RBMS2: variants seen among roughly 807,000 people sequenced by gnomAD.
The protein encoded by RBMS2 is RNA binding motif single stranded interacting protein 2.
A neutral mutation model predicts 58.4 loss-of-function variants in RBMS2; 38 were observed. The ratio of observed to expected loss-of-function variants is 0.65; its 90% confidence interval spans 0.50 to 0.85. The LOEUF is 0.85. Among genes scored for constraint, RBMS2 ranks in the 40% least tolerant of loss-of-function variants. The probability of loss-of-function intolerance (pLI) is 0.00; values close to 1 mark genes in which losing one functional copy is unlikely to be tolerated. For missense variants in RBMS2, 367 were observed against 503.7 expected (o/e 0.73, Z 2.60); for synonymous variants, 151 against 180.7 (o/e 0.84, Z 1.32).
intron 11 of RBMS2, 78 bp from the exon 12 acceptor site, chr12:56,588,215 AT>A (rs560469502): frequency 2.7e-4 from 312 of 1,148,294 alleles, no homozygotes; most frequent in East Asian, 3.1e-4. Context: ...AGGTGTCAGT[AT>A]TTTTTTTAAA....
Position 56,588,254 on chromosome 12 carries a change from A to G in RBMS2, c.1063-40A>G, listed in dbSNP as rs74095009. ...CCCTCAGCTGCTTCAAATGTAGCCA[A>G]AAATCACTGCTGTAAGCCTGTTGAT... is the stretch of plus-strand genomic sequence containing the variant. On this transcript the variant is annotated intron_variant, in intron 11 of 13. Transcript: ENST00000262031. The G allele has an allele frequency of 2.1e-3, 3,342 of 1,557,984 alleles. 59 individuals carry two copies. In the African/African-American group the frequency reaches 0.035, roughly 16 times the overall value.
chr12:56,537,874 C>A (rs1297811198), intron 1 of RBMS2, among the ~76,000 whole-genome samples: 1 of 148,802 alleles, frequency 6.7e-6, no homozygotes, highest in Admixed American at 6.7e-5. Flanking sequence ...TTATAAGTAG[C>A]CATCCTGATG....
Position 56,569,910 on chromosome 12 carries a change from G to A in RBMS2, c.304G>A (p.Val102Ile), listed in dbSNP as rs1246341719. ...TTCCTCTGTTCCAGGCTATGGCTTT[G>A]TAGATTTTGACAGCCCTTCAGCAGC... is the stretch of plus-strand genomic sequence containing the variant. ...TTNKCKGYGF[V>I]DFDSPSAAQK... is the part of the protein sequence containing the mutation. The change falls in exon 4 of 14, where the codon GTA (valine) becomes ATA (isoleucine). Residue 102 changes from valine (V) to isoleucine (I), a missense_variant. Around this residue, in one of 3 missense-constraint regions of RBMS2, gnomAD observed 93 missense variants for 132.2 expected, o/e 0.70. Coordinates refer to ENST00000262031, the MANE Select transcript of RBMS2 (RefSeq NM_002898.4). 3.1e-6 allele frequency: 5 copies of A among 1,613,342 alleles called. No homozygotes were observed. Among genetic ancestry groups the A allele is most frequent in the Non-Finnish European group, 4.2e-6 (5 of 1,179,306 alleles).
At chr12:56,559,701 A>G (rs961189506) in intron 1 of RBMS2, among the ~76,000 whole-genome samples, 10 of 149,474 alleles carry the variant, frequency 6.7e-5, no homozygotes, top group African/African-American at 2.5e-4. Context: ...AATACAAAAA[A>G]TTAGCCAGGC....
At chr12:56,559,182 G>A (rs1434164491) in intron 1 of RBMS2, among the ~76,000 whole-genome samples, 2 of 147,920 alleles carry the variant, frequency 1.4e-5, no homozygotes, top group Non-Finnish European at 3.0e-5. Flanking sequence ...AGATAAAGAA[G>A]GACATTTTTT....
At chr12:56,577,083 T>A in intron 5 of RBMS2, among the ~76,000 whole-genome samples, 1 of 147,094 alleles carries the variant, frequency 6.8e-6, no homozygotes, top group Non-Finnish European at 1.5e-5. Flanking sequence ...GAGCTCACAA[T>A]TGCCCAGACA....
At chr12:56,572,769 A>T in intron 5 of RBMS2, 1 of 985,042 alleles carries the variant, frequency 1.0e-6, no homozygotes, top group Non-Finnish European at 1.2e-6. Context: ...ATGAGGTAGA[A>T]GTTTTGATCT....
intron 5 of RBMS2, chr12:56,573,065 T>TC: frequency 1.0e-6 from 1 of 969,790 alleles, no homozygotes; most frequent in East Asian, 1.1e-4. Context: ...ACTTTTTTTT[T>TC]TTTTTTTAGT....
chr12:56,586,832 G>A lies in RBMS2; in HGVS notation c.874-17G>A. ...TAGTTTCCAGGCAATTAACATTTTT[G>A]TTTTTGCTTGTTTTAGAGAGTGACT... is the stretch of plus-strand genomic sequence containing the variant. On this transcript the variant is annotated splice_polypyrimidine_tract_variant and intron_variant, in intron 9 of 13. Coordinates refer to ENST00000262031, the MANE Select transcript of RBMS2 (RefSeq NM_002898.4). 6.2e-7 allele frequency: 1 copy of A among 1,602,898 alleles called. No individual in the cohort carries two copies. The highest frequency in any genetic ancestry group is 8.5e-7 in the Non-Finnish European group (1 of 1,170,066).
intron 5 of RBMS2, chr12:56,572,969 G>T: frequency 1.0e-6 from 1 of 981,306 alleles, no homozygotes; most frequent in South Asian, 4.7e-5. Flanking sequence ...CCTCACTGTC[G>T]TAGGGTATCA....
chr12:56,544,345 T>A (rs1393100566), intron 1 of RBMS2, among the ~76,000 whole-genome samples: 1 of 152,162 alleles, frequency 6.6e-6, no homozygotes, highest in East Asian at 1.9e-4. Context: ...GTTTTAGAGA[T>A]GTCTTTCTTG....
At chr12:56,527,247 C>A (rs1872817710) in intron 1 of RBMS2, among the ~76,000 whole-genome samples, 1 of 152,188 alleles carries the variant, frequency 6.6e-6, no homozygotes, top group South Asian at 2.1e-4. Context: ...GAATTAAGAA[C>A]TTGTCGGTCT....
intron 1 of RBMS2, among the ~76,000 whole-genome samples, chr12:56,551,017 C>A (rs1878170899): frequency 1.3e-5 from 2 of 149,918 alleles, no homozygotes; most frequent in Admixed American, 6.8e-5. Context: ...ACTTGGGGGA[C>A]TGAAGCAGGA....
intron 1 of RBMS2, among the ~76,000 whole-genome samples, chr12:56,544,026 C>T (rs1876666093): frequency 1.3e-5 from 2 of 151,914 alleles, no homozygotes; most frequent in Admixed American, 1.3e-4. Flanking sequence ...GCCTCTAATC[C>T]CGGCAGTTTG....
At chr12:56,528,912 C>A (rs1433506042) in intron 1 of RBMS2, among the ~76,000 whole-genome samples, 1 of 151,654 alleles carries the variant, frequency 6.6e-6, no homozygotes, top group African/African-American at 2.4e-5. Context: ...GGTGACAGAG[C>A]AAGACTCTGT....
At chr12:56,524,805 C>T (rs905306695) in intron 1 of RBMS2, among the ~76,000 whole-genome samples, 6 of 151,956 alleles carry the variant, frequency 3.9e-5, no homozygotes, top group South Asian at 2.1e-4. Context: ...CTGCAACCTC[C>T]GCCTCCTGGG....
intron 1 of RBMS2, among the ~76,000 whole-genome samples, chr12:56,546,317 TA>T (rs889314967): frequency 7.4e-5 from 11 of 147,748 alleles, no homozygotes; most frequent in South Asian, 2.1e-4. Flanking sequence ...TAATACATTA[TA>T]AAAAATAATA....
intron 1 of RBMS2, among the ~76,000 whole-genome samples, chr12:56,524,789 G>A (rs778278583): frequency 1.2e-4 from 18 of 151,190 alleles, no homozygotes; most frequent in African/African-American, 3.2e-4. Flanking sequence ...GCGTGATTTC[G>A]GCTCACTGCA....
intron 1 of RBMS2, among the ~76,000 whole-genome samples, chr12:56,543,615 A>T: frequency 6.6e-6 from 1 of 151,320 alleles, no homozygotes; most frequent in Non-Finnish European, 1.5e-5. Context: ...GGCCTCCCAA[A>T]GTGCTGGGAT....
Sources: gnomAD v4.1 joint callset for allele counts (sites outside exome capture counted in the v4.1 genomes callset) on GRCh38, gnomAD v4.1.1 for gene constraint, gnomAD v4.1.1 regional missense constraint, MANE v1.5 for transcripts, NCBI Gene and HGNC (gene_info 2026-07-23, HGNC 2026-07-21) for gene names.